Variants in CEP85L observed in about 807,000 individuals in gnomAD.
CEP85L encodes centrosomal protein 85L.
Under a neutral mutation model 100.3 loss-of-function variants are expected in CEP85L, and 60 were observed. The ratio of observed to expected loss-of-function variants is 0.60; its 90% CI spans 0.49 to 0.74. The LOEUF (loss-of-function observed/expected upper bound fraction) is 0.74. CEP85L is among the 30% of genes least tolerant of loss of function. CEP85L has a pLI of 0.00. For missense variants in CEP85L, 973 were observed against 936.2 expected, an observed-to-expected ratio of 1.04 and a Z score of -0.51; for synonymous variants, 319 against 322.7, an observed-to-expected ratio of 0.99 and a Z score of 0.12.
At chr6:118,651,806 C>T (rs966195864), upstream of CEP85L, 33 of 985,586 alleles carry the variant, frequency 3.3e-5, no homozygotes, top group Admixed American at 2.0e-3. Flanking sequence ...TCTCCATCCT[C>T]CCGCCCTGCG....
intron 2 of CEP85L, among the ~76,000 whole-genome samples, chr6:118,574,976 G>C (rs769537680): frequency 9.2e-5 from 14 of 152,098 alleles, no homozygotes; most frequent in Non-Finnish European, 1.5e-4. Context: ...CAGTTGGTTG[G>C]GGGGCGGGGG....
intron 1 of CEP85L, among the ~76,000 whole-genome samples, chr6:118,662,072 G>C (rs1162417502): frequency 6.6e-6 from 1 of 152,222 alleles, no homozygotes; most frequent in Non-Finnish European, 1.5e-5. Context: ...TTGGAAAAGT[G>C]CTTCACAAGT....
chr6:118,514,071 A>G (rs916117180), intron 4 of CEP85L, among the ~76,000 whole-genome samples: 4 of 152,206 alleles, frequency 2.6e-5, no homozygotes, highest in Non-Finnish European at 5.9e-5. Context: ...TTGAAGATAG[A>G]CTGCTATACT....
chr6:118,703,444 G>C (rs1777492505), intron 1 of CEP85L, among the ~76,000 whole-genome samples: 1 of 152,152 alleles, frequency 6.6e-6, no homozygotes, highest in African/African-American at 2.4e-5. Context: ...AGCCTCAAGT[G>C]AGCCTCCCAC....
chr6:118,702,173 T>C (rs1583273767), intron 1 of CEP85L, among the ~76,000 whole-genome samples: 1 of 152,214 alleles, frequency 6.6e-6, no homozygotes, highest in East Asian at 1.9e-4. Context: ...CTATGACTAA[T>C]TGGATGTATA....
chr6:118,502,061 A>G, intron 5 of CEP85L: 1 of 842,032 alleles, frequency 1.2e-6, no homozygotes, highest in Non-Finnish European at 2.0e-6. Flanking sequence ...GGACTTCCCC[A>G]TCCTGTGGAT....
At chr6:118,549,519 C>T (rs1007924690) in intron 3 of CEP85L, among the ~76,000 whole-genome samples, 3 of 151,520 alleles carry the variant, frequency 2.0e-5, no homozygotes, top group African/African-American at 7.3e-5. Context: ...TTCTCAATTC[C>T]TATGACAAAT....
At chr6:118,657,475 CTGGGCA>C (rs1396487003), upstream of CEP85L, among the ~76,000 whole-genome samples, 3 of 152,150 alleles carry the variant, frequency 2.0e-5, no homozygotes, top group Non-Finnish European at 2.9e-5. Flanking sequence ...CAAAAATTAG[CTGGGCA>C]TGGTGGCACA....
intron 6 of CEP85L, among the ~76,000 whole-genome samples, chr6:118,490,547 A>G (rs1774486923): frequency 6.6e-6 from 1 of 152,134 alleles, no homozygotes; most frequent in Non-Finnish European, 1.5e-5. Flanking sequence ...CTTGTAAGTT[A>G]AATATCGACT....
intron 4 of CEP85L, among the ~76,000 whole-genome samples, 165 bp downstream of exon 4, chr6:118,523,637 C>T (rs1303108648): frequency 1.3e-5 from 2 of 152,138 alleles, no homozygotes; most frequent in African/African-American, 4.8e-5. Flanking sequence ...TCAGTTCTAA[C>T]AGTACTTCTT....
At chr6:118,676,598 T>C (rs9489495) in intron 1 of CEP85L, among the ~76,000 whole-genome samples, 4,234 of 152,326 alleles carry the variant, frequency 0.028, 90 homozygotes, top group African/African-American at 0.05. Flanking sequence ...CCACTGACAC[T>C]TCAGTTACTT....
chr6:118,614,679 A>G (rs1435030035), intron 2 of CEP85L, among the ~76,000 whole-genome samples: 1 of 152,226 alleles, frequency 6.6e-6, no homozygotes, highest in Non-Finnish European at 1.5e-5. Context: ...CCCCGTCTCT[A>G]TTGAAAATAA....
chr6:118,645,942 A>C (rs1775155509), intron 1 of CEP85L, among the ~76,000 whole-genome samples: 1 of 152,250 alleles, frequency 6.6e-6, no homozygotes, highest in Non-Finnish European at 1.5e-5. Flanking sequence ...ATTTGGGGCC[A>C]GGCGTGGTGG....
intron 1 of CEP85L, among the ~76,000 whole-genome samples, chr6:118,676,427 C>T (rs536532106): frequency 2.6e-5 from 4 of 152,274 alleles, no homozygotes; most frequent in Admixed American, 2.6e-4. Context: ...TTATCATTGA[C>T]TTCATGCAAT....
intron 2 of CEP85L, among the ~76,000 whole-genome samples, chr6:118,609,003 A>C (rs563167563): frequency 1.7e-4 from 26 of 152,338 alleles, no homozygotes; most frequent in African/African-American, 5.8e-4. Context: ...TTGGAGAATA[A>C]ACTAATTCTA....
At chr6:118,496,762 T>C (rs1409451990) in intron 5 of CEP85L, among the ~76,000 whole-genome samples, 1 of 152,202 alleles carries the variant, frequency 6.6e-6, no homozygotes, top group Admixed American at 6.5e-5. Flanking sequence ...CACATTTCAG[T>C]GACACAGAAT....
At chr6:118,527,295 G>A (rs1372903910) in intron 3 of CEP85L, among the ~76,000 whole-genome samples, 2 of 151,910 alleles carry the variant, frequency 1.3e-5, no homozygotes, top group South Asian at 2.1e-4. Flanking sequence ...ATGAGCCACC[G>A]CGTCCGGCTC....
At chr6:118,600,070 T>A (rs940844147) in intron 2 of CEP85L, among the ~76,000 whole-genome samples, 1 of 146,370 alleles carries the variant, frequency 6.8e-6, no homozygotes, top group Non-Finnish European at 1.5e-5. Flanking sequence ...GGAGTCCACA[T>A]TGATATAAAT....
chr6:118,534,908 T>C (rs1209642992), intron 3 of CEP85L, among the ~76,000 whole-genome samples: 2 of 151,932 alleles, frequency 1.3e-5, no homozygotes, highest in African/African-American at 2.4e-5. Context: ...TAATCCCAGC[T>C]ACTTGGGACG....
Sources: allele counts gnomAD v4.1 joint callset (sites outside exome capture counted in the v4.1 genomes callset), GRCh38; gene constraint gnomAD v4.1.1; transcripts MANE v1.5; gene names NCBI Gene and HGNC (gene_info 2026-07-23, HGNC 2026-07-21).